The following GTF2IRD1 variants were observed in gnomAD, a reference collection of about 807,000 sequenced individuals.
GTF2IRD1 encodes GTF2I repeat domain containing 1, also known as general transcription factor II-I repeat domain-containing protein 1.
Under a neutral mutation model 113.2 loss-of-function variants are expected in GTF2IRD1, and 26 were observed. The ratio of observed to expected loss-of-function variants is 0.23; its 90% CI spans 0.17 to 0.32. The LOEUF (loss-of-function observed/expected upper bound fraction) is 0.32. GTF2IRD1 is among the 10% of genes least tolerant of loss of function. GTF2IRD1 has a pLI of 1.00. For synonymous variants in GTF2IRD1, 484 were observed against 529.1 expected (o/e 0.91, Z 1.17); for missense variants, 864 against 1,280.8 (o/e 0.67, Z 4.97).
chr7:74,537,349 G>T (rs1798357120), intron 11 of GTF2IRD1, among the ~76,000 whole-genome samples: 2 of 151,524 alleles, frequency 1.3e-5, no homozygotes, highest in South Asian at 4.2e-4. Flanking sequence ...GGAAGCGGAG[G>T]TTGCAGTGAG....
chr7:74,558,180 G>A (rs1799712729), intron 20 of GTF2IRD1, among the ~76,000 whole-genome samples: 1 of 150,706 alleles, frequency 6.6e-6, no homozygotes, highest in Admixed American at 6.7e-5. Context: ...TCAGGAAGCT[G>A]AAGCAGGAGA....
intron 22 of GTF2IRD1, among the ~76,000 whole-genome samples, chr7:74,561,492 G>A (rs587601851): frequency 1.5e-4 from 23 of 152,102 alleles, no homozygotes; most frequent in African/African-American, 3.1e-4. Flanking sequence ...TGGGCCTCAG[G>A]GGAAGATGGG....
At chr7:74,533,903 C>G (rs117094364) in intron 9 of GTF2IRD1, among the ~76,000 whole-genome samples, 4,798 of 152,070 alleles carry the variant, frequency 0.032, 105 homozygotes, top group South Asian at 0.05. Flanking sequence ...GTGGCGCATG[C>G]CTATAGTCCC....
intron 22 of GTF2IRD1, among the ~76,000 whole-genome samples, chr7:74,560,792 G>C (rs1271084948): frequency 6.6e-6 from 1 of 151,810 alleles, no homozygotes; most frequent in East Asian, 2.0e-4. Context: ...TATTGGCTAG[G>C]CTGGTCTCAA....
At chr7:74,508,327 T>A (rs958657577) in intron 2 of GTF2IRD1, 124 bp downstream of exon 2, 1 of 1,015,134 alleles carries the variant, frequency 9.9e-7, no homozygotes, top group Non-Finnish European at 1.5e-6. Flanking sequence ...TTTATCTGAC[T>A]GCAGCTAGGG....
intron 22 of GTF2IRD1, among the ~76,000 whole-genome samples, chr7:74,575,035 A>G (rs906443455): frequency 4.6e-5 from 7 of 152,136 alleles, no homozygotes; most frequent in Non-Finnish European, 8.8e-5. Flanking sequence ...AGTTGCAGTG[A>G]GCCGAGATTG....
intron 1 of GTF2IRD1, chr7:74,506,267 C>G (rs542978317): frequency 8.5e-5 from 13 of 152,320 alleles, no homozygotes; most frequent in Admixed American, 8.5e-4. Flanking sequence ...TGGCTGGGAC[C>G]ACACGCCTTG....
chr7:74,559,748 TG>T, intron 22 of GTF2IRD1, 93 bp downstream of exon 22: 1 of 1,067,014 alleles, frequency 9.4e-7, no homozygotes, highest in East Asian at 2.9e-5. Context: ...GCACAGGTTC[TG>T]GGGTCTGGGA....
chr7:74,576,617 C>CTTTTTTTTTTTT (rs1165378230), intron 22 of GTF2IRD1, among the ~76,000 whole-genome samples: 3 of 49,350 alleles, frequency 6.1e-5, no homozygotes, highest in African/African-American at 8.5e-5. Flanking sequence ...ATTTCCTTGT[C>CTTTTTTTTTTTT]TTTTTTTTTT....
rs1472883807 is a variant in GTF2IRD1 at position 74,453,994 on chromosome 7, C to A, written c.-189C>A. The A allele has an allele frequency of 2.0e-5, 3 of 148,054 alleles. No individual in the cohort carries two copies. Among genetic ancestry groups the A allele is most frequent in the African/African-American group, 4.9e-5 (2 of 40,548 alleles). The allele number at this position is 148,054 out of a possible 1,614,324, so 9.2% of individuals were successfully genotyped here. On this transcript the variant is annotated 5_prime_UTR_variant, in exon 1 of 27. Transcript: ENST00000424337. Reference sequence around the variant, plus strand: ...CGCCAGCCCCCCGGCCGGCCGATTCCCCCCCCGCGCCCCCTCCCCGCGCCT... The same window carrying A: ...CGCCAGCCCCCCGGCCGGCCGATTCACCCCCCGCGCCCCCTCCCCGCGCCT...
At chr7:74,495,380 G>A (rs1554337614) in intron 1 of GTF2IRD1, among the ~76,000 whole-genome samples, 2 of 152,186 alleles carry the variant, frequency 1.3e-5, no homozygotes, top group East Asian at 1.9e-4. Flanking sequence ...GCCCCACCAC[G>A]GACGTCACAC....
intron 1 of GTF2IRD1, among the ~76,000 whole-genome samples, chr7:74,473,290 G>A (rs552074725): frequency 2.0e-4 from 30 of 152,320 alleles, no homozygotes; most frequent in African/African-American, 6.5e-4. Context: ...CCTTCCCAAG[G>A]GAGGAACCCA....
intron 8 of GTF2IRD1, among the ~76,000 whole-genome samples, chr7:74,524,748 C>A (rs80237582): frequency 0.035 from 5,401 of 152,194 alleles, 425 homozygotes; most frequent in East Asian, 0.34. Flanking sequence ...CGCCTGTAAT[C>A]CCAGTTACTC....
At chr7:74,569,569 G>A (rs185043042) in intron 22 of GTF2IRD1, among the ~76,000 whole-genome samples, 18 of 152,276 alleles carry the variant, frequency 1.2e-4, no homozygotes, top group Admixed American at 3.9e-4. Flanking sequence ...TGGCACTGGC[G>A]GTTTTTCCAG....
intron 1 of GTF2IRD1, among the ~76,000 whole-genome samples, chr7:74,473,443 G>C (rs1338176503): frequency 6.9e-6 from 1 of 145,620 alleles, no homozygotes; most frequent in African/African-American, 2.5e-5. Flanking sequence ...TTTTTTTTTT[G>C]AGAGAGGGTC....
chr7:74,547,173 G>C lies in GTF2IRD1; in HGVS notation c.1803G>C (p.Leu601=), dbSNP rs1256610237. The change falls in exon 17 of 27, where the codon CTG becomes CTC. Residue 601 remains leucine (L), a synonymous_variant. Transcript: ENST00000424337. ...YSKFLMHPEE[L]FVVGLPEGIS... ...AGTTTCTGATGCACCCGGAGGAGCT[G>C]TTTGTGGTGGGACTGCCTGAAGGCA... The C allele has an allele frequency of 6.2e-7, 1 of 1,613,686 alleles. No homozygotes were observed. The highest frequency in any genetic ancestry group is 1.3e-5 in the African/African-American group (1 of 74,920).
chr7:74,589,821 C>G, intron 22 of GTF2IRD1, 30 bp from the exon 23 acceptor site: 1 of 1,477,056 alleles, frequency 6.8e-7, no homozygotes, highest in Non-Finnish European at 9.5e-7. Flanking sequence ...CTGGTGCCAA[C>G]TCTCATGCCC....
Position 74,587,886 on chromosome 7 carries a change from T to C in GTF2IRD1, c.2321-1965T>C, listed in dbSNP as rs1459354151. ...TAGGCCGTGACGGTTACCTGGGCAG[T>C]GAGCAGGGAGAATGCACGGCCCCCA... On this transcript the variant is annotated intron_variant, in intron 22 of 26. Coordinates refer to ENST00000424337, the MANE Select transcript of GTF2IRD1 (RefSeq NM_005685.4). Among the ~76,000 whole-genome samples the C allele has an allele frequency of 6.6e-5, 10 of 152,148 alleles. No individual in the cohort carries two copies. The South Asian group carries it at 2.1e-3, about 32-fold the overall frequency.
intron 22 of GTF2IRD1, among the ~76,000 whole-genome samples, chr7:74,575,104 A>G (rs587601139): frequency 3.0e-3 from 1 of 336 alleles, no homozygotes; most frequent in African/African-American, 9.3e-3. Context: ...ATACAAAAAA[A>G]CAAAAAAAAC....
Sources: allele counts gnomAD v4.1 joint callset (sites outside exome capture counted in the v4.1 genomes callset), GRCh38; gene constraint gnomAD v4.1.1; transcripts MANE v1.5; gene names NCBI Gene and HGNC (gene_info 2026-07-23, HGNC 2026-07-21).